GRID2: variants seen among roughly 807,000 people sequenced by gnomAD.
GRID2 encodes glutamate ionotropic receptor delta type subunit 2, also known as glutamate receptor ionotropic, delta-2.
A neutral mutation model predicts 114.8 loss-of-function variants in GRID2; 33 were observed. The ratio of observed to expected loss-of-function variants is 0.29; its 90% CI spans 0.22 to 0.38. The LOEUF (loss-of-function observed/expected upper bound fraction) is 0.38, where lower values mean the gene tolerates loss of function less well. Among genes scored for constraint, GRID2 ranks in the 10% least tolerant of loss-of-function variants. GRID2 has a pLI of 1.00. For synonymous variants in GRID2, 505 were observed against 449.9 expected, an observed-to-expected ratio of 1.12 and a Z score of -1.55; for missense variants, 1,184 against 1,257.7, an observed-to-expected ratio of 0.94 and a Z score of 0.89.
In GRID2 at chr4:93,217,123, T is replaced by TA. The variant is rs978844191; in HGVS notation, c.963+219dup. On this transcript the variant is annotated intron_variant, in intron 6 of 15. Transcript: ENST00000282020. ...TATAGAAAAATTTCTACTTGCTTAA[T>TA]AAAAAAATATAATAAGTAAAGGTTA... 1.6e-5 allele frequency: 6 copies of TA among 379,064 alleles called. No individual in the cohort carries two copies. In the Admixed American group the frequency reaches 1.6e-4, roughly 10 times the overall value. The allele number at this position is 379,064 out of a possible 1,614,324, so 23.5% of individuals were successfully genotyped here. A position where few individuals can be genotyped will look rare whatever the true frequency, so the allele number is the denominator to read the frequency against.
intron 4 of GRID2, among the ~76,000 whole-genome samples, chr4:93,150,675 G>C (rs1309147907): frequency 6.6e-6 from 1 of 151,824 alleles, no homozygotes; most frequent in African/African-American, 2.4e-5. Flanking sequence ...TAGTGTCTGT[G>C]TCCTCTCTGA....
chr4:93,074,725 A>G lies in GRID2; in HGVS notation c.245-10270A>G, dbSNP rs1338372622. Among the ~76,000 whole-genome samples the G allele has an allele frequency of 4.6e-5, 7 of 152,220 alleles. No individual in the cohort carries two copies. In the South Asian group the frequency reaches 8.3e-4, roughly 18 times the overall value. On this transcript the variant is annotated intron_variant, in intron 2 of 15. Coordinates refer to ENST00000282020, the MANE Select transcript of GRID2 (RefSeq NM_001510.4). Reference sequence around the variant, plus strand: ...AAAAGCTGTTTCTTTGAGAAAATTAATAAAAGTGATAAACCTTTAGCCAGA... The same window carrying G: ...AAAAGCTGTTTCTTTGAGAAAATTAGTAAAAGTGATAAACCTTTAGCCAGA...
intron 1 of GRID2, among the ~76,000 whole-genome samples, chr4:92,369,694 A>G (rs1035421307): frequency 6.6e-6 from 1 of 152,188 alleles, no homozygotes; most frequent in Non-Finnish European, 1.5e-5. Context: ...ATGATGTTGT[A>G]CATTTAGGAT....
At chr4:92,794,487 G>T (rs1476880862) in intron 2 of GRID2, among the ~76,000 whole-genome samples, 1 of 151,800 alleles carries the variant, frequency 6.6e-6, no homozygotes, top group Non-Finnish European at 1.5e-5. Flanking sequence ...CTAGCTTGCA[G>T]ATTCACACAG....
Position 93,128,027 on chromosome 4 carries a change from C to CAAAAAAAAAAAAAAAAAAAAAAAA in GRID2, c.735+17083_735+17106dup, listed in dbSNP as rs1008311457. Among the ~76,000 whole-genome samples the CAAAAAAAAAAAAAAAAAAAAAAAA allele has an allele frequency of 4.4e-4, 9 of 20,338 alleles. 3 individuals carry two copies. The highest frequency in any genetic ancestry group is 1.5e-3 in the African/African-American group (9 of 5,960). The allele number at this position is 20,338 out of a possible 152,430, so 13.3% of individuals were successfully genotyped here. ...CAGAGTAAGACCTTGTCCCCCGCAA[C>CAAAAAAAAAAAAAAAAAAAAAAAA]AAAAAAAAAAAAAAAAAAAAAAAAA... On this transcript the variant is annotated intron_variant, in intron 4 of 15. Coordinates refer to ENST00000282020, the MANE Select transcript of GRID2 (RefSeq NM_001510.4).
intron 1 of GRID2, among the ~76,000 whole-genome samples, chr4:92,567,600 G>A (rs537212456): frequency 7.9e-5 from 12 of 152,106 alleles, no homozygotes; most frequent in South Asian, 6.2e-4. Context: ...AGCTTTTCAG[G>A]ACACTCTTCA....
At chr4:92,917,890 A>T (rs988402508) in intron 2 of GRID2, among the ~76,000 whole-genome samples, 13 of 152,190 alleles carry the variant, frequency 8.5e-5, no homozygotes, top group Non-Finnish European at 1.3e-4. Flanking sequence ...CTGTGAAGAA[A>T]GTCATTGGTA....
At chr4:93,630,860 T>G (rs1743178933) in intron 14 of GRID2, among the ~76,000 whole-genome samples, 1 of 152,166 alleles carries the variant, frequency 6.6e-6, no homozygotes, top group South Asian at 2.1e-4. Flanking sequence ...TCATATCCAG[T>G]TTTCTGGTCA....
At chr4:93,324,205 AT>A (rs1757573211) in intron 8 of GRID2, among the ~76,000 whole-genome samples, 1 of 152,220 alleles carries the variant, frequency 6.6e-6, no homozygotes, top group South Asian at 2.1e-4. Flanking sequence ...AGCTCTTATT[AT>A]TTTTATATAC....
At chr4:92,383,421 C>T (rs1365345361) in intron 1 of GRID2, among the ~76,000 whole-genome samples, 1 of 152,022 alleles carries the variant, frequency 6.6e-6, no homozygotes, top group East Asian at 1.9e-4. Context: ...AGGCCTAAGA[C>T]AGAAGTTGTT....
At chr4:93,142,059 C>G (rs1358819370) in intron 4 of GRID2, among the ~76,000 whole-genome samples, 1 of 152,042 alleles carries the variant, frequency 6.6e-6, no homozygotes. Context: ...TACAAAAATA[C>G]AAAAATTAGC....
chr4:93,491,990 A>G (rs1335674794), intron 12 of GRID2, among the ~76,000 whole-genome samples: 1 of 151,812 alleles, frequency 6.6e-6, no homozygotes. Context: ...TTGTTTTCCA[A>G]TTATTCCTTT....
chr4:92,584,962 A>G (rs1009745241), intron 1 of GRID2, among the ~76,000 whole-genome samples: 4 of 152,056 alleles, frequency 2.6e-5, no homozygotes, highest in Admixed American at 1.3e-4. Context: ...CCTTTCAGCT[A>G]TGAGTTTACA....
chr4:93,257,999 T>TATAC (rs1278136784), intron 8 of GRID2, among the ~76,000 whole-genome samples: 82 of 35,998 alleles, frequency 2.3e-3, no homozygotes, highest in Admixed American at 9.6e-3. Flanking sequence ...TATATATATA[T>TATAC]ACACACACAC....
chr4:92,468,507 A>G (rs1721864700), intron 1 of GRID2, among the ~76,000 whole-genome samples: 1 of 152,056 alleles, frequency 6.6e-6, no homozygotes, highest in African/African-American at 2.4e-5. Flanking sequence ...TTAATGAAAT[A>G]TTTATTTATT....
intron 2 of GRID2, among the ~76,000 whole-genome samples, chr4:92,913,476 TA>T (rs1748540168): frequency 6.6e-6 from 1 of 151,926 alleles, no homozygotes; most frequent in Non-Finnish European, 1.5e-5. Flanking sequence ...ATCCTAAATA[TA>T]ACTTTTATCT....
At chr4:92,812,709 G>T (rs1413036477) in intron 2 of GRID2, among the ~76,000 whole-genome samples, 2 of 152,060 alleles carry the variant, frequency 1.3e-5, no homozygotes, top group Non-Finnish European at 2.9e-5. Context: ...TGCTGTACAG[G>T]TATACAACTC....
intron 13 of GRID2, among the ~76,000 whole-genome samples, chr4:93,546,670 G>A (rs993943601): frequency 3.3e-5 from 5 of 152,134 alleles, no homozygotes; most frequent in Non-Finnish European, 7.3e-5. Flanking sequence ...AATTTAATAG[G>A]ATACACATGA....
chr4:92,895,452 A>G (rs1747098213), intron 2 of GRID2, among the ~76,000 whole-genome samples: 1 of 147,266 alleles, frequency 6.8e-6, no homozygotes, highest in Non-Finnish European at 1.5e-5. Context: ...AACAAGTTAT[A>G]TAAGCTTATC....
Sources: allele counts gnomAD v4.1 joint callset (sites outside exome capture counted in the v4.1 genomes callset), GRCh38; gene constraint gnomAD v4.1.1; transcripts MANE v1.5; gene names NCBI Gene and HGNC (gene_info 2026-07-23, HGNC 2026-07-21).